Variants in EXOC6B observed in about 807,000 individuals in gnomAD.
EXOC6B encodes the protein exocyst complex component 6B.
A neutral mutation model predicts 113.5 loss-of-function variants in EXOC6B; 54 were observed. That is an observed-to-expected ratio of 0.48 (90% CI 0.38 to 0.60). The LOEUF (loss-of-function observed/expected upper bound fraction) is 0.60. Among genes scored for constraint, EXOC6B ranks in the 20% least tolerant of loss-of-function variants. EXOC6B has a pLI of 0.00. For synonymous variants in EXOC6B, 357 were observed against 339.0 expected, an observed-to-expected ratio of 1.05 and a Z score of -0.58; for missense variants, 797 against 977.5, an observed-to-expected ratio of 0.82 and a Z score of 2.46.
chr2:72,784,060 A>G (rs1684231774), intron 1 of EXOC6B, among the ~76,000 whole-genome samples: 1 of 152,194 alleles, frequency 6.6e-6, no homozygotes, highest in Admixed American at 6.5e-5. Flanking sequence ...TCTTCTGCAC[A>G]TGGATATCCA....
chr2:72,194,086 A>C (rs1356860925), intron 20 of EXOC6B, among the ~76,000 whole-genome samples: 1 of 152,206 alleles, frequency 6.6e-6, no homozygotes, highest in Non-Finnish European at 1.5e-5. Context: ...CAGGGAGGGC[A>C]GTATGCTCTG....
intron 1 of EXOC6B, among the ~76,000 whole-genome samples, chr2:72,816,392 T>C (rs914679797): frequency 4.6e-5 from 7 of 152,092 alleles, no homozygotes; most frequent in African/African-American, 1.4e-4. Flanking sequence ...AATATATGTA[T>C]AACTAAAAAA....
intron 6 of EXOC6B, among the ~76,000 whole-genome samples, chr2:72,644,757 C>G (rs887872431): frequency 3.3e-5 from 5 of 152,086 alleles, no homozygotes; most frequent in Non-Finnish European, 7.4e-5. Context: ...TTGTCACCAC[C>G]TGGCCTGCCT....
chr2:72,278,845 G>A (rs1024471556), intron 20 of EXOC6B, among the ~76,000 whole-genome samples: 1 of 152,094 alleles, frequency 6.6e-6, no homozygotes, highest in Non-Finnish European at 1.5e-5. Context: ...GAAATGTATC[G>A]ACTTTGCAAG....
intron 8 of EXOC6B, among the ~76,000 whole-genome samples, chr2:72,522,416 G>C (rs976688620): frequency 6.6e-6 from 1 of 151,874 alleles, no homozygotes; most frequent in Non-Finnish European, 1.5e-5. Context: ...ATTGGAAATA[G>C]TTTCTTTTTT....
chr2:72,199,028 A>C (rs1304805157), intron 20 of EXOC6B, among the ~76,000 whole-genome samples: 2 of 152,194 alleles, frequency 1.3e-5, no homozygotes, highest in Non-Finnish European at 2.9e-5. Context: ...AAACTCAATG[A>C]GATTCCAGGA....
intron 6 of EXOC6B, among the ~76,000 whole-genome samples, chr2:72,671,098 G>A (rs925083663): frequency 6.6e-6 from 1 of 152,146 alleles, no homozygotes; most frequent in African/African-American, 2.4e-5. Context: ...CAGAACACTG[G>A]ATGGACAAAG....
chr2:72,732,610 CA>C (rs762631046), intron 3 of EXOC6B, among the ~76,000 whole-genome samples: 12 of 149,492 alleles, frequency 8.0e-5, no homozygotes, highest in South Asian at 6.4e-4. Context: ...GAATGACATA[CA>C]AAAAAAAATA....
intron 1 of EXOC6B, among the ~76,000 whole-genome samples, chr2:72,775,640 G>A (rs527820560): frequency 6.6e-6 from 1 of 152,034 alleles, no homozygotes; most frequent in South Asian, 2.1e-4. Flanking sequence ...CTGAGATGCT[G>A]AGAAAAAGAA....
At chr2:72,555,477 G>A (rs560825869) in intron 8 of EXOC6B, among the ~76,000 whole-genome samples, 7 of 152,212 alleles carry the variant, frequency 4.6e-5, no homozygotes, top group South Asian at 4.1e-4. Flanking sequence ...ATCTCATTGT[G>A]GTTTTGATTT....
chr2:72,644,851 A>C (rs959781049), intron 6 of EXOC6B, among the ~76,000 whole-genome samples: 2 of 152,140 alleles, frequency 1.3e-5, no homozygotes, highest in Non-Finnish European at 2.9e-5. Context: ...ATTGTAAAGA[A>C]CATCGATGCT....
rs148435333 is a variant in EXOC6B, at chr2:72,300,618, C to T, written c.2196+34329G>A. ...TTTGATGTCTGCCCAAATGGTTGCC[C>T]AGTTTTGTGCTTGAAACCCAGGGCC... On this transcript the variant is annotated intron_variant, in intron 20 of 21. Coordinates refer to ENST00000272427, the MANE Select transcript of EXOC6B (RefSeq NM_015189.3). Among the ~76,000 whole-genome samples the T allele has an allele frequency of 2.6e-4, 40 of 152,304 alleles. No individual in the cohort carries two copies. In the East Asian group the frequency reaches 7.5e-3, roughly 29 times the overall value.
chr2:72,376,259 T>C lies in EXOC6B; in HGVS notation c.2122+3470A>G, dbSNP rs571841154. Among the ~76,000 whole-genome samples, 3 of 152,306 alleles carry C rather than the reference T, an allele frequency of 2.0e-5. No homozygotes were observed. In the South Asian group the frequency reaches 6.2e-4, roughly 32 times the overall value. The stretch of plus-strand genomic sequence containing the variant: ...TCTGTGGTGCAAATCTGGTGACAAA[T>C]TCTCTCAGCTTCTGTTTATCTGAAA... On this transcript the variant is annotated intron_variant, in intron 19 of 21. Transcript: ENST00000272427.
chr2:72,205,331 A>T (rs1679770380), intron 20 of EXOC6B, among the ~76,000 whole-genome samples: 1 of 151,216 alleles, frequency 6.6e-6, no homozygotes, highest in Admixed American at 6.6e-5. Context: ...AAGAACATTT[A>T]TTTCTATGAT....
At chr2:72,454,554 A>G (rs1279075069) in intron 18 of EXOC6B, among the ~76,000 whole-genome samples, 1 of 152,192 alleles carries the variant, frequency 6.6e-6, no homozygotes, top group East Asian at 1.9e-4. Context: ...GAAATCAAGT[A>G]TGAAAATTTG....
intron 17 of EXOC6B, among the ~76,000 whole-genome samples, chr2:72,471,062 A>G (rs1317904950): frequency 1.3e-5 from 2 of 152,088 alleles, no homozygotes; most frequent in African/African-American, 2.4e-5. Flanking sequence ...ACAATGGTTG[A>G]ACTAGTTTAC....
intron 1 of EXOC6B, among the ~76,000 whole-genome samples, chr2:72,782,388 A>T (rs1000612142): frequency 7.9e-5 from 12 of 152,054 alleles, no homozygotes; most frequent in Non-Finnish European, 1.8e-4. Flanking sequence ...TTTATTTTTT[A>T]AAATTATTTT....
intron 18 of EXOC6B, among the ~76,000 whole-genome samples, chr2:72,451,525 A>C (rs1309031642): frequency 6.6e-6 from 1 of 152,220 alleles, no homozygotes; most frequent in Non-Finnish European, 1.5e-5. Context: ...CTATAAAGGC[A>C]ATAAGATAAT....
chr2:72,708,897 T>C (rs1045344975), intron 6 of EXOC6B, among the ~76,000 whole-genome samples: 6 of 19,420 alleles, frequency 3.1e-4, no homozygotes, highest in Non-Finnish European at 8.9e-4. Flanking sequence ...ATCCAGCTAA[T>C]TTTTTTTTTT....
Sources: allele counts gnomAD v4.1 joint callset (sites outside exome capture counted in the v4.1 genomes callset), GRCh38; gene constraint gnomAD v4.1.1; transcripts MANE v1.5; gene names NCBI Gene and HGNC (gene_info 2026-07-23, HGNC 2026-07-21).